Variants in CTDSPL2 observed in about 807,000 individuals in gnomAD.
CTDSPL2 encodes CTD small phosphatase-like protein 2.
In CTDSPL2, 5 loss-of-function variants were observed where a neutral mutation model predicts 60.0. The observed-to-expected ratio is 0.08, with a 90% CI of 0.04 to 0.18. The LOEUF (loss-of-function observed/expected upper bound fraction) is 0.18, where lower values mean the gene tolerates loss of function less well. Among genes scored for constraint, CTDSPL2 ranks in the 10% least tolerant of loss-of-function variants. CTDSPL2 has a pLI of 1.00. For missense variants in CTDSPL2, 370 were observed against 548.8 expected (o/e 0.67, Z 3.26); for synonymous variants, 186 against 189.3 (o/e 0.98, Z 0.14).
At chr15:44,458,326 G>A (rs2080491319) in intron 1 of CTDSPL2, among the ~76,000 whole-genome samples, 1 of 152,136 alleles carries the variant, frequency 6.6e-6, no homozygotes, top group Non-Finnish European at 1.5e-5. Context: ...GGACAGTTTT[G>A]CCAGCAATTA....
intron 10 of CTDSPL2, among the ~76,000 whole-genome samples, chr15:44,515,140 G>A (rs561401213): frequency 3.3e-5 from 5 of 152,246 alleles, no homozygotes; most frequent in Non-Finnish European, 7.4e-5. Context: ...ATTTTTCCAC[G>A]TTGTGCATGA....
At chr15:44,449,123 T>G (rs1214748899) in intron 1 of CTDSPL2, 2 of 318,898 alleles carry the variant, frequency 6.3e-6, no homozygotes, top group African/African-American at 4.6e-5. Flanking sequence ...TAGGATTATT[T>G]AAGATACTAG....
intron 8 of CTDSPL2, among the ~76,000 whole-genome samples, chr15:44,512,235 T>C (rs1421234698): frequency 6.6e-6 from 1 of 152,000 alleles, no homozygotes; most frequent in Non-Finnish European, 1.5e-5. Context: ...TTTTGAGCAC[T>C]GACATGACGT....
At chr15:44,427,840 T>G (rs1324626471) in intron 1 of CTDSPL2, 68 bp downstream of exon 1, 1 of 396,452 alleles carries the variant, frequency 2.5e-6, no homozygotes, top group Non-Finnish European at 4.4e-6. Context: ...CAGGGCCGTC[T>G]GCCGGGATCT....
intron 5 of CTDSPL2, among the ~76,000 whole-genome samples, chr15:44,494,893 G>T (rs1025905932): frequency 2.0e-5 from 3 of 152,162 alleles, no homozygotes; most frequent in African/African-American, 7.2e-5. Context: ...TCCAGCCTGG[G>T]CAACAGATTG....
intron 4 of CTDSPL2, among the ~76,000 whole-genome samples, chr15:44,489,887 C>T (rs770078190): frequency 1.7e-4 from 26 of 151,972 alleles, no homozygotes; most frequent in Admixed American, 1.7e-3. Flanking sequence ...GGAAAACCAG[C>T]GATTGGATAG....
In CTDSPL2 at chr15:44,459,051, A is replaced by G. The variant is rs368247562; in HGVS notation, c.37A>G (p.Asn13Asp). The G allele has an allele frequency of 5.0e-5, 80 of 1,607,350 alleles. No individual in the cohort carries two copies. Among genetic ancestry groups the G allele is most frequent in the Non-Finnish European group, 6.5e-5 (77 of 1,176,658 alleles). The change falls in exon 2 of 13, where the codon AAT becomes GAT. Residue 13 changes from asparagine (N) to aspartate (D), a missense_variant. Asn to Asp is a conservative substitution (Grantham distance 23). Around this residue, in one of 6 missense-constraint regions of CTDSPL2, gnomAD observed 287 missense variants for 296.1 expected, o/e 0.97. Coordinates refer to ENST00000260327, the MANE Select transcript of CTDSPL2 (RefSeq NM_016396.3). ...AACACGGAAAGCTTCTCAGCAGTCA[A>G]ATCAAATCCAAACACAACGCACTGC... ...LRTRKASQQS[N>D]QIQTQRTARA...
At chr15:44,491,280 T>C (rs1280450571) in intron 5 of CTDSPL2, among the ~76,000 whole-genome samples, 1 of 152,216 alleles carries the variant, frequency 6.6e-6, no homozygotes, top group Non-Finnish European at 1.5e-5. Flanking sequence ...ACAAAATATA[T>C]GCTCATGTTT....
chr15:44,486,925 G>A (rs750513216), intron 4 of CTDSPL2, among the ~76,000 whole-genome samples: 2 of 151,866 alleles, frequency 1.3e-5, no homozygotes, highest in African/African-American at 4.8e-5. Context: ...CACCATGCCC[G>A]GCTAATATTT....
intron 4 of CTDSPL2, among the ~76,000 whole-genome samples, chr15:44,489,742 A>G (rs2081185387): frequency 6.6e-6 from 1 of 152,230 alleles, no homozygotes; most frequent in African/African-American, 2.4e-5. Context: ...GTAAACTAGT[A>G]GCTATGTATT....
chr15:44,486,763 T>TC, intron 4 of CTDSPL2, 63 bp downstream of exon 4: 32 of 1,217,112 alleles, frequency 2.6e-5, no homozygotes, highest in Non-Finnish European at 3.6e-5. Context: ...TTTGGGTTTT[T>TC]TTTTTTTTTT....
intron 2 of CTDSPL2, among the ~76,000 whole-genome samples, chr15:44,477,537 T>A (rs1289440253): frequency 1.1e-4 from 14 of 132,200 alleles, no homozygotes; most frequent in Non-Finnish European, 2.0e-4. Context: ...CCTGTCTTTT[T>A]AAAAAAAAAA....
At chr15:44,474,118 A>G (rs1442894162) in intron 2 of CTDSPL2, among the ~76,000 whole-genome samples, 2 of 152,172 alleles carry the variant, frequency 1.3e-5, no homozygotes, top group Non-Finnish European at 2.9e-5. Flanking sequence ...GTGAGCCACC[A>G]CCCACAGAAT....
chr15:44,476,835 T>A (rs1476780381), intron 2 of CTDSPL2, among the ~76,000 whole-genome samples: 4 of 152,110 alleles, frequency 2.6e-5, no homozygotes, highest in African/African-American at 9.7e-5. Context: ...TATAGAAAAA[T>A]TTTGAAATTG....
chr15:44,485,999 A>G (rs953756508), intron 3 of CTDSPL2, among the ~76,000 whole-genome samples: 4 of 152,214 alleles, frequency 2.6e-5, no homozygotes, highest in African/African-American at 9.6e-5. Context: ...TTTGATTTAC[A>G]GGAAACTTAA....
At chr15:44,483,134 C>A (rs900311482) in intron 2 of CTDSPL2, among the ~76,000 whole-genome samples, 5 of 152,022 alleles carry the variant, frequency 3.3e-5, no homozygotes, top group African/African-American at 1.2e-4. Context: ...TGGTGCGTGC[C>A]TGTAATCCCA....
chr15:44,522,652 C>T (rs996899918), intron 12 of CTDSPL2, among the ~76,000 whole-genome samples: 5 of 152,014 alleles, frequency 3.3e-5, no homozygotes, highest in African/African-American at 1.2e-4. Context: ...ACTCTAGAGG[C>T]TGAGGTAGGA....
At chr15:44,474,882 C>T (rs1011427040) in intron 2 of CTDSPL2, among the ~76,000 whole-genome samples, 6 of 151,980 alleles carry the variant, frequency 3.9e-5, no homozygotes, top group Admixed American at 1.3e-4. Context: ...GGTTTCAGTG[C>T]GTTGATTTGT....
chr15:44,484,407 A>C, intron 3 of CTDSPL2, 45 bp downstream of exon 3: 2 of 1,535,674 alleles, frequency 1.3e-6, no homozygotes, highest in South Asian at 1.1e-5. Context: ...GTAAGCAGAG[A>C]TCTCACCTGA....
Sources: gnomAD v4.1 joint callset for allele counts (sites outside exome capture counted in the v4.1 genomes callset) on GRCh38, gnomAD v4.1.1 for gene constraint, gnomAD v4.1.1 regional missense constraint, MANE v1.5 for transcripts, NCBI Gene and HGNC (gene_info 2026-07-23, HGNC 2026-07-21) for gene names.